KCNH7: variants seen among roughly 807,000 people sequenced by gnomAD.
KCNH7 encodes the protein voltage-gated inwardly rectifying potassium channel KCNH7.
In KCNH7, 49 loss-of-function variants were observed where a neutral mutation model predicts 120.8. The observed-to-expected ratio is 0.41, with a 90% confidence interval of 0.32 to 0.51. The LOEUF is 0.51. Among genes scored for constraint, KCNH7 ranks in the 20% least tolerant of loss-of-function variants. KCNH7 has a pLI of 0.38. For missense variants in KCNH7, 1,097 were observed against 1,446.6 expected, an observed-to-expected ratio of 0.76 and a Z score of 3.92; for synonymous variants, 547 against 516.1, an observed-to-expected ratio of 1.06 and a Z score of -0.81.
At chr2:162,431,935 A>T (rs563827315) in intron 8 of KCNH7, among the ~76,000 whole-genome samples, 10 of 152,048 alleles carry the variant, frequency 6.6e-5, no homozygotes, top group Middle Eastern at 3.4e-3. Flanking sequence ...CTTCAATTTT[A>T]AAAAATCCAC....
intron 2 of KCNH7, among the ~76,000 whole-genome samples, chr2:162,713,900 C>T (rs1171503526): frequency 6.6e-6 from 1 of 152,128 alleles, no homozygotes; most frequent in African/African-American, 2.4e-5. Context: ...AGGCGCCTGC[C>T]ACCATGTCCA....
At chr2:162,525,025 C>G (rs1465040421) in intron 3 of KCNH7, among the ~76,000 whole-genome samples, 1 of 151,122 alleles carries the variant, frequency 6.6e-6, no homozygotes, top group East Asian at 2.0e-4. Context: ...CAGCGCAGGC[C>G]TGGTGTCAGT....
intron 2 of KCNH7, among the ~76,000 whole-genome samples, chr2:162,666,791 C>T (rs956370228): frequency 6.6e-6 from 1 of 152,166 alleles, no homozygotes; most frequent in African/African-American, 2.4e-5. Context: ...GCTGACATCT[C>T]TGCCAGTGTT....
At chr2:162,755,548 T>C (rs2105441641) in intron 2 of KCNH7, among the ~76,000 whole-genome samples, 1 of 152,268 alleles carries the variant, frequency 6.6e-6, no homozygotes, top group Admixed American at 6.5e-5. Flanking sequence ...TACCCACATG[T>C]TTCACTCAGG....
chr2:162,752,902 G>GAAAAAAGAA lies in KCNH7; in HGVS notation c.307+83634_307+83635insTTCTTTTTT, dbSNP rs140501872. ...GGCAAAAGAGCAAGACTACATCTCA[G>GAAAAAAGAA]AAAAAGAAAAGAAAAGAAAAGAAAA... is the stretch of plus-strand genomic sequence containing the variant. On this transcript the variant is annotated intron_variant, in intron 2 of 15. Transcript: ENST00000332142. 4.7e-4 allele frequency among the ~76,000 whole-genome samples: 29 copies of GAAAAAAGAA among 61,278 alleles called. 1 individual carries two copies. The highest frequency in any genetic ancestry group is 9.5e-4 in the African/African-American group (12 of 12,594). 40.2% of individuals were successfully genotyped at this position (61,278 alleles called of 152,430 possible).
At chr2:162,442,156 G>T (rs1201906419) in intron 7 of KCNH7, among the ~76,000 whole-genome samples, 11 of 151,400 alleles carry the variant, frequency 7.3e-5, no homozygotes, top group Non-Finnish European at 1.5e-4. Flanking sequence ...CTCCCGAGTA[G>T]CTGGGACTAC....
intron 2 of KCNH7, among the ~76,000 whole-genome samples, chr2:162,719,259 A>T (rs927379281): frequency 1.3e-5 from 2 of 152,076 alleles, no homozygotes; most frequent in African/African-American, 4.8e-5. Flanking sequence ...GTGAATATCT[A>T]TACTTAATCC....
intron 2 of KCNH7, among the ~76,000 whole-genome samples, chr2:162,690,344 T>C (rs917180873): frequency 6.6e-6 from 1 of 152,032 alleles, no homozygotes; most frequent in Non-Finnish European, 1.5e-5. Context: ...AATTTACCTA[T>C]GTAACAAACC....
intron 8 of KCNH7, among the ~76,000 whole-genome samples, chr2:162,432,197 C>T (rs187792840): frequency 9.5e-4 from 145 of 152,044 alleles, no homozygotes; most frequent in South Asian, 3.5e-3. Context: ...TAGTTTTAAT[C>T]GCAAAATGGT....
chr2:162,596,551 C>T (rs1400073373), intron 2 of KCNH7, among the ~76,000 whole-genome samples: 2 of 151,978 alleles, frequency 1.3e-5, no homozygotes, highest in Non-Finnish European at 2.9e-5. Context: ...ACACAAGAAT[C>T]ACCCAAAATG....
Position 162,627,690 on chromosome 2 carries a change from G to T in KCNH7, c.308-90610C>A, listed in dbSNP as rs149399843. 4.4e-4 allele frequency among the ~76,000 whole-genome samples: 67 copies of T among 152,242 alleles called. No homozygotes were observed. In the East Asian group the frequency reaches 0.013, roughly 29 times the overall value. On this transcript the variant is annotated intron_variant, in intron 2 of 15. Transcript: ENST00000332142. ...ACTCAGGAACTTGTGGTGGCTCAGT[G>T]GTTGGCTTGGACCCTGGAGTAATCT...
At chr2:162,651,781 T>C (rs897590919) in intron 2 of KCNH7, among the ~76,000 whole-genome samples, 1 of 152,184 alleles carries the variant, frequency 6.6e-6, no homozygotes, top group Admixed American at 6.5e-5. Context: ...ATTGTCATAC[T>C]GCTTTCTACA....
In KCNH7 at chr2:162,530,788, C is replaced by T. The variant is rs533839696; in HGVS notation, c.463+6137G>A. ...TGAAATAGCCAGTATCATTATTTTA[C>T]ACTGGTAGGAACATTATACTTCAAA... is the stretch of plus-strand genomic sequence containing the variant. On this transcript the variant is annotated intron_variant, in intron 3 of 15. Coordinates refer to ENST00000332142, the MANE Select transcript of KCNH7 (RefSeq NM_033272.4). Among the ~76,000 whole-genome samples the T allele has an allele frequency of 9.9e-5, 15 of 151,066 alleles. No individual in the cohort carries two copies. The South Asian group carries it at 3.1e-3, about 31-fold the overall frequency.
intron 2 of KCNH7, among the ~76,000 whole-genome samples, chr2:162,580,705 T>A (rs1693837666): frequency 1.3e-5 from 2 of 151,978 alleles, no homozygotes; most frequent in African/African-American, 4.8e-5. Flanking sequence ...GAAGAACAGA[T>A]CAAACAATCC....
intron 2 of KCNH7, among the ~76,000 whole-genome samples, chr2:162,619,460 T>TA (rs80342672): frequency 8.3e-4 from 123 of 147,416 alleles, no homozygotes; most frequent in East Asian, 1.6e-3. Context: ...ACTCAATTGT[T>TA]AAAAAAAAAA....
intron 2 of KCNH7, among the ~76,000 whole-genome samples, chr2:162,770,909 C>T (rs1044024146): frequency 2.0e-5 from 3 of 152,086 alleles, no homozygotes; most frequent in Admixed American, 6.5e-5. Flanking sequence ...CACTGTCATA[C>T]TTTTGGTAAA....
intron 2 of KCNH7, among the ~76,000 whole-genome samples, chr2:162,626,624 A>T (rs1683570528): frequency 6.6e-6 from 1 of 152,172 alleles, no homozygotes; most frequent in Non-Finnish European, 1.5e-5. Flanking sequence ...ATCTGAGCCA[A>T]TTTATCCGAA....
rs575437359 is a variant in KCNH7 at position 162,695,194 on chromosome 2, T to C, written c.307+141343A>G. Among the ~76,000 whole-genome samples, 4 of 152,320 alleles carry C rather than the reference T, an allele frequency of 2.6e-5. No individual in the cohort carries two copies. In the East Asian group the frequency reaches 5.8e-4, roughly 22 times the overall value. On this transcript the variant is annotated intron_variant, in intron 2 of 15. Transcript: ENST00000332142. ...TATTTTAAGGAGTAAAGTATCATGA[T>C]TTTCCTAAGGAAGCAAGTTGGAAAC...
At chr2:162,660,029 C>A (rs549529774) in intron 2 of KCNH7, among the ~76,000 whole-genome samples, 21 of 152,096 alleles carry the variant, frequency 1.4e-4, no homozygotes, top group African/African-American at 5.1e-4. Flanking sequence ...ATGTAGTTAG[C>A]CTGCCTAGAG....
Sources: allele counts gnomAD v4.1 joint callset (sites outside exome capture counted in the v4.1 genomes callset), GRCh38; gene constraint gnomAD v4.1.1; transcripts MANE v1.5; gene names NCBI Gene and HGNC (gene_info 2026-07-23, HGNC 2026-07-21).